Variants in CCDC102B observed in about 807,000 individuals in gnomAD.
CCDC102B encodes coiled-coil domain containing 102B, also known as coiled-coil domain-containing protein 102B.
CCDC102B carries 75 observed loss-of-function variants against 57.4 expected under a neutral mutation model. That is an observed-to-expected ratio of 1.31 (90% CI 1.08 to 1.58). CCDC102B has a LOEUF of 1.58. Ranked by LOEUF, CCDC102B falls within the 40% of genes most tolerant of loss-of-function variation. The pLI is 0.00. For synonymous variants in CCDC102B, 206 were observed against 201.9 expected (o/e 1.02, Z -0.17); for missense variants, 636 against 582.6 (o/e 1.09, Z -0.94).
At chr18:69,052,813 T>A (rs964340900) in intron 7 of CCDC102B, among the ~76,000 whole-genome samples, 2 of 152,038 alleles carry the variant, frequency 1.3e-5, no homozygotes, top group African/African-American at 2.4e-5. Context: ...GCATCTGTAC[T>A]GAACATGTAC....
downstream of CCDC102B, among the ~76,000 whole-genome samples, chr18:69,055,700 C>A (rs1370746640): frequency 6.6e-6 from 1 of 152,064 alleles, no homozygotes; most frequent in Non-Finnish European, 1.5e-5. Context: ...AGGCGTCTTC[C>A]TCTCAAGATC....
intron 7 of CCDC102B, among the ~76,000 whole-genome samples, chr18:69,037,964 A>T (rs2052339679): frequency 6.6e-6 from 1 of 152,050 alleles, no homozygotes; most frequent in Non-Finnish European, 1.5e-5. Context: ...TGCTTTTAAA[A>T]CATCCTTCAA....
intron 6 of CCDC102B, among the ~76,000 whole-genome samples, chr18:68,951,527 GC>G (rs2049697391): frequency 6.6e-6 from 1 of 151,914 alleles, no homozygotes; most frequent in Non-Finnish European, 1.5e-5. Flanking sequence ...TGACAGGTTG[GC>G]TGGGCATGGT....
intron 7 of CCDC102B, among the ~76,000 whole-genome samples, chr18:69,052,924 A>G (rs137979327): frequency 6.6e-6 from 1 of 151,934 alleles, no homozygotes; most frequent in Non-Finnish European, 1.5e-5. Flanking sequence ...TAATCTAGAG[A>G]TAATTTAAAA....
At chr18:68,941,013 A>G (rs1308146008) in intron 6 of CCDC102B, among the ~76,000 whole-genome samples, 1 of 151,852 alleles carries the variant, frequency 6.6e-6, no homozygotes, top group Non-Finnish European at 1.5e-5. Context: ...GGTCATTACA[A>G]TCATACCAAA....
intron 7 of CCDC102B, among the ~76,000 whole-genome samples, chr18:69,032,905 C>T (rs2052187004): frequency 6.6e-6 from 1 of 151,982 alleles, no homozygotes. Flanking sequence ...GAAAAAAAAA[C>T]TCTGAGCTGC....
At chr18:69,043,862 T>C (rs1428251051) in intron 7 of CCDC102B, among the ~76,000 whole-genome samples, 1 of 152,102 alleles carries the variant, frequency 6.6e-6, no homozygotes, top group Non-Finnish European at 1.5e-5. Context: ...TTCTAAAAAG[T>C]TCTACAATAC....
At chr18:68,865,969 A>G (rs1278442978) in intron 4 of CCDC102B, among the ~76,000 whole-genome samples, 1 of 152,188 alleles carries the variant, frequency 6.6e-6, no homozygotes, top group African/African-American at 2.4e-5. Flanking sequence ...AACATGTGTG[A>G]TCAATTTTCT....
At chr18:68,947,879 A>G (rs2049584825) in intron 6 of CCDC102B, among the ~76,000 whole-genome samples, 1 of 152,108 alleles carries the variant, frequency 6.6e-6, no homozygotes. Context: ...AAATGTTTGA[A>G]ATTTCTGTTT....
At chr18:68,916,145 G>GAATA (rs1047485061) in intron 6 of CCDC102B, among the ~76,000 whole-genome samples, 7 of 126,316 alleles carry the variant, frequency 5.5e-5, no homozygotes, top group Non-Finnish European at 1.1e-4. Flanking sequence ...GTAGATAAGA[G>GAATA]AATAAATAGA....
intron 7 of CCDC102B, among the ~76,000 whole-genome samples, chr18:69,020,170 C>T (rs73451799): frequency 0.022 from 3,323 of 152,048 alleles, 120 homozygotes; most frequent in African/African-American, 0.075. Context: ...ATATATAAAT[C>T]GGTTTGACTA....
At chr18:68,997,892 T>C (rs2051075538) in intron 6 of CCDC102B, among the ~76,000 whole-genome samples, 1 of 152,134 alleles carries the variant, frequency 6.6e-6, no homozygotes, top group Non-Finnish European at 1.5e-5. Context: ...TAGTTTAAGC[T>C]CTTTGAATGC....
chr18:68,781,494 G>A (rs1487313965), intron 2 of CCDC102B, among the ~76,000 whole-genome samples: 3 of 152,130 alleles, frequency 2.0e-5, no homozygotes, highest in Non-Finnish European at 4.4e-5. Flanking sequence ...AATTAGATGT[G>A]AAGAGAGTTT....
At chr18:68,901,819 C>T (rs570045949) in intron 6 of CCDC102B, among the ~76,000 whole-genome samples, 2 of 152,244 alleles carry the variant, frequency 1.3e-5, no homozygotes, top group South Asian at 2.1e-4. Context: ...ACTGAATAGA[C>T]ACCATTTCTC....
intron 1 of CCDC102B, among the ~76,000 whole-genome samples, chr18:68,819,452 C>T (rs1270653366): frequency 2.0e-5 from 3 of 152,046 alleles, no homozygotes; most frequent in African/African-American, 7.2e-5. Context: ...TCTCTTTGAG[C>T]TAATGAGTCA....
At chr18:69,004,031 TA>T (rs1247564726) in intron 6 of CCDC102B, among the ~76,000 whole-genome samples, 1 of 152,226 alleles carries the variant, frequency 6.6e-6, no homozygotes, top group Non-Finnish European at 1.5e-5. Context: ...GATCCAAAAC[TA>T]ACTCTGAATT....
chr18:68,742,988 C>T (rs1269189710), intron 2 of CCDC102B, among the ~76,000 whole-genome samples: 2 of 151,938 alleles, frequency 1.3e-5, no homozygotes, highest in Non-Finnish European at 2.9e-5. Flanking sequence ...TAAATTCTGA[C>T]CCTTAGGGCC....
At chr18:68,749,794 T>G (rs1466466849) in intron 2 of CCDC102B, among the ~76,000 whole-genome samples, 1 of 151,852 alleles carries the variant, frequency 6.6e-6, no homozygotes, top group Non-Finnish European at 1.5e-5. Flanking sequence ...ATTGCCCTGG[T>G]CAGAACTTCC....
At chr18:68,955,335 G>A (rs966193391) in intron 6 of CCDC102B, among the ~76,000 whole-genome samples, 1 of 152,092 alleles carries the variant, frequency 6.6e-6, no homozygotes, top group African/African-American at 2.4e-5. Context: ...TAGACATTTT[G>A]CATAGCTACA....
Sources: gnomAD v4.1 joint callset for allele counts (sites outside exome capture counted in the v4.1 genomes callset) on GRCh38, gnomAD v4.1.1 for gene constraint, MANE v1.5 for transcripts, NCBI Gene and HGNC (gene_info 2026-07-23, HGNC 2026-07-21) for gene names.